MYL6B: variants seen among roughly 807,000 people sequenced by gnomAD.
MYL6B encodes the protein myosin light chain 6B, also known as myosin alkali light chain 1 slow a.
In MYL6B, 19 loss-of-function variants were observed where a neutral mutation model predicts 24.5. The observed-to-expected ratio is 0.78, with a 90% CI of 0.54 to 1.14. MYL6B has a LOEUF of 1.14. Among genes scored for constraint, MYL6B ranks in the 50% most tolerant of loss-of-function variants. The pLI, the probability that MYL6B is intolerant of heterozygous loss-of-function variation, is 0.00. For synonymous variants in MYL6B, 90 were observed against 100.7 expected (o/e 0.89, Z 0.64); for missense variants, 230 against 263.8 (o/e 0.87, Z 0.89).
chr12:56,154,160 T>G, intron 2 of MYL6B, 68 bp downstream of exon 2: 1 of 1,457,492 alleles, frequency 6.9e-7, no homozygotes, highest in Non-Finnish European at 9.3e-7. Flanking sequence ...GCCTAGGGGA[T>G]TAGGGGGTAT....
Position 56,155,037 on chromosome 12 carries a change from C to T in MYL6B, c.203-18C>T, listed in dbSNP as rs1335314116. ...GAACCCTAGTCAGTGTCTACACTGACCCTTCCTTATACTTTAGAGTTCAAG... is the reference window on the plus strand; with the variant it reads ...GAACCCTAGTCAGTGTCTACACTGATCCTTCCTTATACTTTAGAGTTCAAG... On this transcript the variant is annotated intron_variant, in intron 3 of 6. Coordinates refer to ENST00000553066, the Ensembl canonical transcript of MYL6B. The T allele has an allele frequency of 6.2e-7, 1 of 1,602,750 alleles. No individual in the cohort carries two copies. The highest frequency in any genetic ancestry group is 1.3e-5 in the African/African-American group (1 of 74,502).
chr12:56,157,704 T>C, exon 7 of MYL6B: 1 of 1,612,912 alleles, frequency 6.2e-7, no homozygotes, highest in Non-Finnish European at 8.5e-7. Flanking sequence ...GCAGCCTTCT[T>C]GAAACACATC....
At chr12:56,157,409 G>C (rs545619313) in intron 5 of MYL6B, 59 bp from the exon 6 acceptor site, 1 of 1,503,862 alleles carries the variant, frequency 6.6e-7, no homozygotes, top group South Asian at 1.2e-5. Flanking sequence ...AAGGAAAAGC[G>C]TGGCCTGGGT....
chr12:56,153,314 C>T (rs1356217937), intron 1 of MYL6B: 1 of 453,632 alleles, frequency 2.2e-6, no homozygotes. Context: ...TGAATAGTTC[C>T]AGTTCTTGGC....
Position 56,153,542 on chromosome 12 carries a change from C to T in MYL6B, c.-46-331C>T, listed in dbSNP as rs531323895. On this transcript the variant is annotated intron_variant, in intron 1 of 6. Coordinates refer to ENST00000553066, the Ensembl canonical transcript of MYL6B. Reference sequence around the variant, plus strand: ...ACCCCACCCTTCAAGAAGACTAAAGCTGCTGGATCACCTGCTTTGCCTCAC... The same window carrying T: ...ACCCCACCCTTCAAGAAGACTAAAGTTGCTGGATCACCTGCTTTGCCTCAC... 3 of 935,432 alleles carry T rather than the reference C, an allele frequency of 3.2e-6. No homozygotes were observed. The East Asian group carries it at 3.4e-4, about 105-fold the overall frequency. The allele number at this position is 935,432 out of a possible 1,614,324, so 57.9% of individuals were successfully genotyped here.
chr12:56,157,338 C>A, intron 5 of MYL6B, 130 bp from the exon 6 acceptor site: 1 of 794,738 alleles, frequency 1.3e-6, no homozygotes, highest in Non-Finnish European at 2.0e-6. Flanking sequence ...GAGCCGAGAT[C>A]GCTCCGCTCC....
chr12:56,157,342 C>T, intron 5 of MYL6B, 126 bp from the exon 6 acceptor site: 1 of 836,154 alleles, frequency 1.2e-6, no homozygotes, highest in South Asian at 1.7e-5. Context: ...CGAGATCGCT[C>T]CGCTCCACTG....
At chr12:56,156,251 A>G (rs1379186259) in intron 5 of MYL6B, 2 of 157,824 alleles carry the variant, frequency 1.3e-5, no homozygotes, top group Non-Finnish European at 2.8e-5. Context: ...GGTTGCAGTG[A>G]GCCGAGAGAT....
At chr12:56,155,445 G>A (rs1292759751) in exon 5 of MYL6B, 1 of 1,614,030 alleles carries the variant, frequency 6.2e-7, no homozygotes, top group East Asian at 2.2e-5. Context: ...TGTGGACTTT[G>A]AGACTTTCCT....
rs140458658 is a variant in MYL6B at position 56,155,125 on chromosome 12, C to T, written c.273C>T (p.Asp91=). Reference sequence around the variant, plus strand: ...AGATCCTGTACAGCCAGTGTGGGGACGTGATGAGGGCCCTGGGCCAGAACC... The same window carrying T: ...AGATCCTGTACAGCCAGTGTGGGGATGTGATGAGGGCCCTGGGCCAGAACC... The change falls in exon 4 of 7, where the codon GAC becomes GAT. Residue 91 remains aspartate, a synonymous_variant. Coordinates refer to ENST00000553066, the Ensembl canonical transcript of MYL6B. 3.6e-5 allele frequency: 58 copies of T among 1,614,026 alleles called. No individual in the cohort carries two copies. The African/African-American group carries it at 4.5e-4, about 13-fold the overall frequency.
At chr12:56,157,813 C>CATA in exon 7 of MYL6B, 3 of 1,522,390 alleles carry the variant, frequency 2.0e-6, no homozygotes, top group Non-Finnish European at 2.7e-6. Flanking sequence ...AGAAAAGCAG[C>CATA]GGAGTTCATT....
chr12:56,154,523 T>A (rs1045596096), intron 2 of MYL6B, among the ~76,000 whole-genome samples: 3 of 152,222 alleles, frequency 2.0e-5, no homozygotes, highest in Non-Finnish European at 2.9e-5. Flanking sequence ...GGGGTAAATT[T>A]AGCCTTTGTT....
At chr12:56,157,941 G>A in exon 7 of MYL6B, 1 of 600,810 alleles carries the variant, frequency 1.7e-6, no homozygotes, top group South Asian at 2.0e-5. Context: ...CCACCAGGAG[G>A]CCACCTATTG....
chr12:56,155,880 C>T, intron 5 of MYL6B: 1 of 1,296,512 alleles, frequency 7.7e-7, no homozygotes, highest in Non-Finnish European at 9.9e-7. Context: ...CTCGTAACCT[C>T]CTGGGATTGT....
exon 2 of MYL6B, chr12:56,154,029 G>A (rs1424830701): frequency 1.9e-6 from 3 of 1,614,020 alleles, no homozygotes; most frequent in South Asian, 1.1e-5. Context: ...CCAAAGCTGA[G>A]CCAGCTGTCC....
At chr12:56,155,147 A>C (rs758433532) in exon 4 of MYL6B, 1 of 1,614,042 alleles carries the variant, frequency 6.2e-7, no homozygotes, top group Non-Finnish European at 8.5e-7. Context: ...CCTGGGCCAG[A>C]ACCCCACCAA....
At chr12:56,155,699 G>C in intron 5 of MYL6B, 107 bp downstream of exon 5, 1 of 1,575,452 alleles carries the variant, frequency 6.3e-7, no homozygotes, top group Non-Finnish European at 8.6e-7. Context: ...TTACTGTCCT[G>C]CAGGTTGTCG....
exon 7 of MYL6B, chr12:56,157,849 C>G (rs1469831861): frequency 1.6e-6 from 2 of 1,245,908 alleles, no homozygotes; most frequent in Non-Finnish European, 2.2e-6. Flanking sequence ...TGCACGGGCT[C>G]CAGCGCTTCG....
At position 56,157,466 on chromosome 12, in the gene MYL6B, A is replaced by G; in HGVS notation, c.521-2A>G. On this transcript the variant is annotated splice_acceptor_variant, in intron 5 of 6. Transcript: ENST00000553066. LOFTEE classifies it high-confidence loss of function. ...GCCTCAGACGTTGTGTCTGGGATTC[A>G]GGAGAGAAGATGACTGAGGAGGAGG... The G allele has an allele frequency of 6.2e-7, 1 of 1,613,856 alleles. No individual in the cohort carries two copies. Among genetic ancestry groups the G allele is most frequent in the Non-Finnish European group, 8.5e-7 (1 of 1,179,898 alleles).
Sources: allele counts gnomAD v4.1 joint callset (sites outside exome capture counted in the v4.1 genomes callset), GRCh38; gene constraint gnomAD v4.1.1; transcripts MANE v1.5; gene names NCBI Gene and HGNC (gene_info 2026-07-23, HGNC 2026-07-21).